TPD52L1: variants seen among roughly 807,000 people sequenced by gnomAD.
TPD52L1 encodes the protein TPD52 like 1, also known as tumor protein D53.
Under a neutral mutation model 28.7 loss-of-function variants are expected in TPD52L1, and 18 were observed. That is an observed-to-expected ratio of 0.63 (90% confidence interval 0.43 to 0.93). The LOEUF (loss-of-function observed/expected upper bound fraction) is 0.93. Ranked by LOEUF, TPD52L1 falls within the 40% of genes least tolerant of loss-of-function variation. TPD52L1 has a pLI of 0.00. For missense variants in TPD52L1, 203 were observed against 254.8 expected, an observed-to-expected ratio of 0.80 and a Z score of 1.39; for synonymous variants, 75 against 88.8, an observed-to-expected ratio of 0.84 and a Z score of 0.88.
chr6:125,248,730 G>T (rs988084786), intron 4 of TPD52L1, among the ~76,000 whole-genome samples: 1 of 151,972 alleles, frequency 6.6e-6, no homozygotes, highest in Non-Finnish European at 1.5e-5. Context: ...GCATTTAGTG[G>T]AATGCACTCC....
chr6:125,228,543 A>C (rs964686566), intron 2 of TPD52L1, among the ~76,000 whole-genome samples: 5 of 152,150 alleles, frequency 3.3e-5, no homozygotes, highest in Admixed American at 1.3e-4. Context: ...GGTTGGCAAA[A>C]AATAAACTAC....
At position 125,263,083 on chromosome 6, in the gene TPD52L1, T is replaced by C; in HGVS notation, c.*121T>C. On this transcript the variant is annotated 3_prime_UTR_variant, in exon 7 of 7. Transcript: ENST00000534000. ...AAAAACCCAGGCCTTGACATTGTTA[T>C]TCAAATGGCCCCTCCAGAAAGTTTA... 1.7e-6 allele frequency: 2 copies of C among 1,210,330 alleles called. No homozygotes were observed. The highest frequency in any genetic ancestry group is 1.1e-6 in the Non-Finnish European group (1 of 897,616). The allele number at this position is 1,210,330 out of a possible 1,614,324, so 75.0% of individuals were successfully genotyped here.
At chr6:125,156,792 A>G (rs1415226590) in intron 1 of TPD52L1, among the ~76,000 whole-genome samples, 1 of 152,186 alleles carries the variant, frequency 6.6e-6, no homozygotes, top group Non-Finnish European at 1.5e-5. Context: ...CAAAAAGAGA[A>G]TAACAACAAA....
chr6:125,222,662 G>C (rs1795320691), intron 2 of TPD52L1, among the ~76,000 whole-genome samples: 1 of 152,182 alleles, frequency 6.6e-6, no homozygotes, highest in South Asian at 2.1e-4. Context: ...ATGTGAATAT[G>C]GGACCTGAGT....
chr6:125,165,936 A>G (rs568351928), intron 1 of TPD52L1, among the ~76,000 whole-genome samples: 2 of 152,216 alleles, frequency 1.3e-5, no homozygotes, highest in Non-Finnish European at 2.9e-5. Context: ...TAATCTCAGT[A>G]TTTTAAAATA....
chr6:125,213,701 C>T (rs934071215), intron 1 of TPD52L1, among the ~76,000 whole-genome samples: 28 of 152,190 alleles, frequency 1.8e-4, no homozygotes, highest in South Asian at 2.1e-4. Context: ...GAATTAAACA[C>T]GAGGGGCCTC....
intron 2 of TPD52L1, among the ~76,000 whole-genome samples, chr6:125,227,210 C>T (rs1349811515): frequency 6.6e-6 from 1 of 152,200 alleles, no homozygotes; most frequent in Non-Finnish European, 1.5e-5. Flanking sequence ...ATTGCTACTT[C>T]TTACTGTGGT....
Position 125,165,092 on chromosome 6 carries a change from A to ATATATATATTTT in TPD52L1, c.19+11129_19+11130insATTTTTATATAT. 1.4e-3 allele frequency among the ~76,000 whole-genome samples: 148 copies of ATATATATATTTT among 104,200 alleles called. 25 individuals are homozygous for ATATATATATTTT. The highest frequency in any genetic ancestry group is 8.8e-3 in the African/African-American group (145 of 16,458). 68.4% of individuals were successfully genotyped at this position (104,200 alleles called of 152,430 possible). The stretch of plus-strand genomic sequence containing the variant: ...CCTGTCTCTTAAAAAAAAGATATAT[A>ATATATATATTTT]TATATATTTTAACTGTATATATATA... On this transcript the variant is annotated intron_variant, in intron 1 of 6. Coordinates refer to ENST00000534000, the MANE Select transcript of TPD52L1 (RefSeq NM_003287.4).
At chr6:125,192,118 T>C (rs1793088643) in intron 1 of TPD52L1, among the ~76,000 whole-genome samples, 1 of 151,966 alleles carries the variant, frequency 6.6e-6, no homozygotes, top group African/African-American at 2.4e-5. Flanking sequence ...GGGGCTGAGG[T>C]TGGCTTTGAC....
At chr6:125,246,576 AT>A (rs1262617551) in intron 3 of TPD52L1, among the ~76,000 whole-genome samples, 1 of 152,226 alleles carries the variant, frequency 6.6e-6, no homozygotes, top group African/African-American at 2.4e-5. Flanking sequence ...TAGTCAAAAA[AT>A]GTTTTTCCAA....
At chr6:125,165,828 A>C (rs1790863943) in intron 1 of TPD52L1, among the ~76,000 whole-genome samples, 1 of 152,166 alleles carries the variant, frequency 6.6e-6, no homozygotes, top group South Asian at 2.1e-4. Context: ...TAATTCTTAG[A>C]ACCAGTATAG....
intron 4 of TPD52L1, chr6:125,252,384 C>A (rs1797325997): frequency 4.4e-6 from 1 of 229,308 alleles, no homozygotes; most frequent in African/African-American, 2.3e-5. Flanking sequence ...TATATGTTTT[C>A]TGAAACTTCT....
chr6:125,219,499 G>A (rs1272357895), intron 1 of TPD52L1, among the ~76,000 whole-genome samples: 3 of 152,188 alleles, frequency 2.0e-5, no homozygotes, highest in African/African-American at 7.2e-5. Flanking sequence ...CGACCCAGGT[G>A]GTGTGCATTC....
At chr6:125,202,425 C>T (rs1793851305) in intron 1 of TPD52L1, among the ~76,000 whole-genome samples, 5 of 152,110 alleles carry the variant, frequency 3.3e-5, no homozygotes, top group Admixed American at 3.3e-4. Context: ...TCGTGTTCAC[C>T]TCACTCCCTC....
chr6:125,227,009 A>G (rs1030112162), intron 2 of TPD52L1, among the ~76,000 whole-genome samples: 1 of 152,212 alleles, frequency 6.6e-6, no homozygotes, highest in Non-Finnish European at 1.5e-5. Context: ...CAGTGTATGT[A>G]TGCACACTGA....
intron 3 of TPD52L1, among the ~76,000 whole-genome samples, chr6:125,232,066 T>C (rs1795985699): frequency 6.6e-6 from 1 of 152,168 alleles, no homozygotes; most frequent in African/African-American, 2.4e-5. Flanking sequence ...AACAGATTTA[T>C]AGGCTGAGAG....
At chr6:125,209,668 G>T (rs1042515298) in intron 1 of TPD52L1, among the ~76,000 whole-genome samples, 1 of 152,174 alleles carries the variant, frequency 6.6e-6, no homozygotes, top group African/African-American at 2.4e-5. Flanking sequence ...GTTGAGGTGT[G>T]CTGGGGGCAC....
intron 1 of TPD52L1, among the ~76,000 whole-genome samples, chr6:125,203,946 G>A (rs1793953278): frequency 6.6e-6 from 1 of 152,124 alleles, no homozygotes; most frequent in Non-Finnish European, 1.5e-5. Flanking sequence ...ATAAATTAAG[G>A]TGGAGCTTAG....
At chr6:125,204,540 G>C (rs1342372020) in intron 1 of TPD52L1, among the ~76,000 whole-genome samples, 4 of 151,786 alleles carry the variant, frequency 2.6e-5, no homozygotes, top group African/African-American at 7.3e-5. Flanking sequence ...AGTGCAGTGG[G>C]GCGATCTCGG....
Sources: allele counts gnomAD v4.1 joint callset (sites outside exome capture counted in the v4.1 genomes callset), GRCh38; gene constraint gnomAD v4.1.1; transcripts MANE v1.5; gene names NCBI Gene and HGNC (gene_info 2026-07-23, HGNC 2026-07-21).